ASPRV1: variants seen among roughly 807,000 people sequenced by gnomAD.
The protein encoded by ASPRV1 is aspartic peptidase retroviral like 1.
A neutral mutation model predicts 11.0 loss-of-function variants in ASPRV1; 7 were observed. That is an observed-to-expected ratio of 0.64 (90% CI 0.36 to 1.20). The LOEUF (loss-of-function observed/expected upper bound fraction) is 1.20, where lower values mean the gene tolerates loss of function less well. ASPRV1 is among the 50% of genes most tolerant of loss of function. ASPRV1 has a pLI of 0.02. For missense variants in ASPRV1, 299 were observed against 320.0 expected (o/e 0.93, Z 0.50); for synonymous variants, 136 against 138.4 (o/e 0.98, Z 0.12).
chr2:69,992,266 T>G, the ASPRV1 span, among the ~76,000 whole-genome samples: 1 of 151,362 alleles, frequency 6.6e-6, no homozygotes, highest in Admixed American at 6.6e-5. Flanking sequence ...CCGAGGGGAG[T>G]CGCTGCCTTG....
chr2:69,956,479 A>AAGAAGAGGAAGAAGAAGAAGAAG (rs1558579534), downstream of ASPRV1, among the ~76,000 whole-genome samples: 1 of 132,014 alleles, frequency 7.6e-6, no homozygotes, highest in African/African-American at 3.6e-5. Flanking sequence ...AGAAGAAGAA[A>AAGAAGAGGAAGAAGAAGAAGAAG]AGAGGAAGAA....
At chr2:70,025,142 A>C in the ASPRV1 span, among the ~76,000 whole-genome samples, 2 of 152,252 alleles carry the variant, frequency 1.3e-5, no homozygotes, top group African/African-American at 2.4e-5. Context: ...CTCAACAGAC[A>C]CTAGACAGAC....
chr2:70,014,840 G>C, the ASPRV1 span, among the ~76,000 whole-genome samples: 19 of 127,410 alleles, frequency 1.5e-4, no homozygotes, highest in African/African-American at 5.6e-4. Context: ...AGAGTGAAAA[G>C]ACAACCCACA....
At chr2:70,085,284 C>T in the ASPRV1 span, among the ~76,000 whole-genome samples, 1 of 152,186 alleles carries the variant, frequency 6.6e-6, no homozygotes, top group Admixed American at 6.5e-5. Flanking sequence ...CCGACAGACA[C>T]CTGAGCCTCT....
At chr2:70,069,125 G>C in the ASPRV1 span, 1 of 152,110 alleles carries the variant, frequency 6.6e-6, no homozygotes, top group Non-Finnish European at 1.5e-5. Context: ...TTACCCAACA[G>C]CTGATTCACC....
chr2:69,939,460 T>C, the ASPRV1 span: 1 of 152,668 alleles, frequency 6.6e-6, no homozygotes, highest in Admixed American at 6.5e-5. Context: ...AGCATTTTTA[T>C]TTAAGCTAAA....
chr2:70,070,892 C>T, the ASPRV1 span: 1 of 150,302 alleles, frequency 6.7e-6, no homozygotes, highest in African/African-American at 2.5e-5. Context: ...CCCTCCCCAA[C>T]AAAAACCTTT....
At chr2:70,021,939 C>T in the ASPRV1 span, among the ~76,000 whole-genome samples, 1 of 151,522 alleles carries the variant, frequency 6.6e-6, no homozygotes, top group Non-Finnish European at 1.5e-5. Flanking sequence ...CTCTTGACCT[C>T]GTGATCCGCC....
chr2:70,035,408 A>G, the ASPRV1 span, among the ~76,000 whole-genome samples: 1 of 152,106 alleles, frequency 6.6e-6, no homozygotes, highest in Non-Finnish European at 1.5e-5. Flanking sequence ...ACTTGTCCCT[A>G]AACAACCCAG....
chr2:69,990,154 CTTTTTA>C, the ASPRV1 span, among the ~76,000 whole-genome samples: 4 of 151,914 alleles, frequency 2.6e-5, no homozygotes, highest in African/African-American at 9.7e-5. Flanking sequence ...TTGGTTTGCC[CTTTTTA>C]TTTTTGTTTG....
the ASPRV1 span, among the ~76,000 whole-genome samples, chr2:69,947,735 A>C: frequency 1.3e-5 from 2 of 152,052 alleles, no homozygotes; most frequent in Non-Finnish European, 2.9e-5. Flanking sequence ...GTGGAGAGGG[A>C]AGGTGAATGT....
At chr2:70,037,603 C>A in the ASPRV1 span, among the ~76,000 whole-genome samples, 2 of 151,686 alleles carry the variant, frequency 1.3e-5, no homozygotes, top group African/African-American at 4.9e-5. Flanking sequence ...TGAATTTATT[C>A]TTCTATGACT....
At chr2:70,057,678 C>T in the ASPRV1 span, among the ~76,000 whole-genome samples, 4 of 151,986 alleles carry the variant, frequency 2.6e-5, no homozygotes, top group Non-Finnish European at 5.9e-5. Flanking sequence ...GGGGTTTCAT[C>T]ATTTTAGCCA....
the ASPRV1 span, among the ~76,000 whole-genome samples, chr2:70,009,311 C>CTTATTAT: frequency 6.8e-6 from 1 of 147,556 alleles, no homozygotes; most frequent in African/African-American, 2.5e-5. Context: ...AATTTATTGT[C>CTTATTAT]TTATTTATTT....
chr2:69,964,714 C>G (rs920967905), upstream of ASPRV1: 37 of 163,006 alleles, frequency 2.3e-4, no homozygotes, highest in African/African-American at 8.4e-4. Context: ...GCACTGAACC[C>G]TGCAGGAGCA....
the ASPRV1 span, among the ~76,000 whole-genome samples, chr2:70,011,209 C>T: frequency 1.3e-5 from 2 of 151,924 alleles, no homozygotes; most frequent in Non-Finnish European, 2.9e-5. Flanking sequence ...TACAACAAAC[C>T]CCTGTGACAC....
the ASPRV1 span, among the ~76,000 whole-genome samples, chr2:70,062,353 G>C: frequency 1.3e-5 from 2 of 152,112 alleles, no homozygotes. Flanking sequence ...ACTGGTGTCA[G>C]AATCACCTGG....
At chr2:70,055,327 GCA>G in the ASPRV1 span, among the ~76,000 whole-genome samples, 1 of 151,726 alleles carries the variant, frequency 6.6e-6, no homozygotes, top group East Asian at 1.9e-4. Flanking sequence ...AAAAAGACAC[GCA>G]CACGTATGTT....
chr2:70,077,894 G>A, the ASPRV1 span, among the ~76,000 whole-genome samples: 1 of 150,264 alleles, frequency 6.7e-6, no homozygotes, highest in East Asian at 2.0e-4. Context: ...TTAGCCGGGC[G>A]TGGTGGCTCA....
Sources: allele counts gnomAD v4.1 joint callset (sites outside exome capture counted in the v4.1 genomes callset), GRCh38; gene constraint gnomAD v4.1.1; transcripts MANE v1.5; gene names NCBI Gene and HGNC (gene_info 2026-07-23, HGNC 2026-07-21).